PDAP1: variants seen among roughly 807,000 people sequenced by gnomAD.
The protein encoded by PDAP1 is 28 kDa heat- and acid-stable phosphoprotein.
Under a neutral mutation model 28.0 loss-of-function variants are expected in PDAP1, and 13 were observed. That is an observed-to-expected ratio of 0.46 (90% CI 0.30 to 0.74). The LOEUF (loss-of-function observed/expected upper bound fraction) is 0.74, where lower values mean the gene tolerates loss of function less well. PDAP1 is among the 30% of genes least tolerant of loss of function. PDAP1 has a pLI of 0.07. For synonymous variants in PDAP1, 77 were observed against 85.1 expected, an observed-to-expected ratio of 0.91 and a Z score of 0.52; for missense variants, 150 against 230.0, an observed-to-expected ratio of 0.65 and a Z score of 2.25.
rs1491379993 is a variant in PDAP1, at chr7:99,394,780, A to AG, written c.*1901_*1902insC. ...TGGAGGTAATAAAATGCAACTGTGT[A>AG]AAAAAAAAAAAAAAAAAAAAAGTAA... On this transcript the variant is annotated 3_prime_UTR_variant, in exon 6 of 6. Coordinates refer to ENST00000350498, the MANE Select transcript of PDAP1 (RefSeq NM_014891.7). The AG allele has an allele frequency of 5.8e-6, 1 of 172,560 alleles. No individual in the cohort carries two copies. Among genetic ancestry groups the AG allele is most frequent in the African/African-American group, 1.1e-4 (1 of 9,100 alleles). 10.7% of individuals were successfully genotyped at this position (172,560 alleles called of 1,614,324 possible).
At position 99,403,919 on chromosome 7, in the gene PDAP1, G is replaced by A. The variant is rs192179867; in HGVS notation, c.106-414C>T. ...CCAAATCATGCTGGCATTCCCAGGC[G>A]AGTCCTCTCCGCACTCCACTCCCAC... On this transcript the variant is annotated intron_variant, in intron 2 of 5. Transcript: ENST00000350498. Among the ~76,000 whole-genome samples the A allele has an allele frequency of 1.2e-4, 18 of 152,122 alleles. No homozygotes were observed. The East Asian group carries it at 2.1e-3, about 18-fold the overall frequency.
In PDAP1 at chr7:99,395,536, T is replaced by C. The variant is rs1794738209; in HGVS notation, c.*1146A>G. On this transcript the variant is annotated 3_prime_UTR_variant, in exon 6 of 6. Coordinates refer to ENST00000350498, the MANE Select transcript of PDAP1 (RefSeq NM_014891.7). ...GTGTGCTGTAAACTGAGGTTCTGTC[T>C]TGGAGTTTATGTCATGTCACCAGGT... 1 of 152,266 alleles carries C rather than the reference T, an allele frequency of 6.6e-6. No individual in the cohort carries two copies. The highest frequency in any genetic ancestry group is 6.5e-5 in the Admixed American group (1 of 15,288). 9.4% of individuals were successfully genotyped at this position (152,266 alleles called of 1,614,324 possible).
At chr7:99,406,540 G>C in intron 1 of PDAP1, 1 of 982,680 alleles carries the variant, frequency 1.0e-6, no homozygotes, top group Non-Finnish European at 1.2e-6. Flanking sequence ...GTGACTAGCA[G>C]TTAAAGTGTC....
At chr7:99,399,979 G>A (rs1192127832) in intron 4 of PDAP1, among the ~76,000 whole-genome samples, 1 of 152,232 alleles carries the variant, frequency 6.6e-6, no homozygotes, top group East Asian at 1.9e-4. Flanking sequence ...TGCAGGTCAG[G>A]AATGGTCAGA....
intron 3 of PDAP1, among the ~76,000 whole-genome samples, chr7:99,402,573 C>CAAAA (rs58448407): frequency 5.3e-5 from 3 of 56,644 alleles, no homozygotes; most frequent in Non-Finnish European, 7.7e-5. Flanking sequence ...GACCCTGTCT[C>CAAAA]AAAAAAAAAA....
Position 99,394,867 on chromosome 7 carries a change from A to G in PDAP1, c.*1815T>C. 8.3e-7 allele frequency: 1 copy of G among 1,201,828 alleles called. No homozygotes were observed. The highest frequency in any genetic ancestry group is 1.0e-6 in the Non-Finnish European group (1 of 962,092). The allele number at this position is 1,201,828 out of a possible 1,614,324, so 74.4% of individuals were successfully genotyped here. A position where few individuals can be genotyped will look rare whatever the true frequency, so the allele number is the denominator to read the frequency against. On this transcript the variant is annotated 3_prime_UTR_variant, in exon 6 of 6. Transcript: ENST00000350498. ...TTTGTTATTTCCTTGGGGTCTTGCT[A>G]AGTTTTCCAGGCTGCACTAGAACTC...
chr7:99,406,014 G>C lies in PDAP1; in HGVS notation c.14-1061C>G, dbSNP rs559231528. 2.0e-5 allele frequency among the ~76,000 whole-genome samples: 3 copies of C among 152,340 alleles called. No homozygotes were observed. The South Asian group carries it at 6.2e-4, about 32-fold the overall frequency. On this transcript the variant is annotated intron_variant, in intron 1 of 5. Coordinates refer to ENST00000350498, the MANE Select transcript of PDAP1 (RefSeq NM_014891.7). ...TGCCTGTAATCCCAGCACTTTGGGA[G>C]GCCAAGGCGGGCAGATCACTTGAGG...
intron 5 of PDAP1, 35 bp from the exon 6 acceptor site, chr7:99,396,775 A>G: frequency 6.4e-7 from 1 of 1,555,246 alleles, no homozygotes; most frequent in Non-Finnish European, 8.9e-7. Context: ...GTTAAAACAA[A>G]GCAACCCCCC....
chr7:99,407,581 T>A (rs1014356172), intron 1 of PDAP1, among the ~76,000 whole-genome samples: 2 of 152,214 alleles, frequency 1.3e-5, no homozygotes, highest in African/African-American at 4.8e-5. Context: ...AACACAAATA[T>A]ATTTGTTCTG....
intron 1 of PDAP1, chr7:99,406,696 C>CAGGTGGGAA: frequency 1.4e-6 from 1 of 711,024 alleles, no homozygotes; most frequent in Non-Finnish European, 1.7e-6. Context: ...ACACAGGAAG[C>CAGGTGGGAA]TGAGGCCCAC....
chr7:99,406,612 C>A, intron 1 of PDAP1: 4 of 985,350 alleles, frequency 4.1e-6, no homozygotes, highest in Non-Finnish European at 4.8e-6. Context: ...AAGCCATCAG[C>A]CAGTTTTAAA....
chr7:99,404,179 C>A (rs1210448347), intron 2 of PDAP1, among the ~76,000 whole-genome samples: 1 of 152,198 alleles, frequency 6.6e-6, no homozygotes, highest in Non-Finnish European at 1.5e-5. Flanking sequence ...CTGGATGTGG[C>A]CTTTCCCTTC....
Position 99,408,538 on chromosome 7 carries a change from C to G in PDAP1, c.11G>C (p.Gly4Ala). ...GGCCACCGGCGCCCGCCCCTCACCT[C>G]CTTTAGGCATTGCGGCTCCGGCGGC... is the stretch of plus-strand genomic sequence containing the variant. MPK[G>A]GRKGGHKGRA... Residue 4 changes from glycine to alanine, a missense_variant and splice_region_variant, in exon 1 of 6, where the codon GGA (glycine) becomes GCA (alanine). Coordinates refer to ENST00000350498, the MANE Select transcript of PDAP1 (RefSeq NM_014891.7). 7.7e-7 allele frequency: 1 copy of G among 1,293,524 alleles called. No individual in the cohort carries two copies. Among genetic ancestry groups the G allele is most frequent in the South Asian group, 2.3e-5 (1 of 43,768 alleles). The allele number at this position is 1,293,524 out of a possible 1,614,324, so 80.1% of individuals were successfully genotyped here. A position where few individuals can be genotyped will look rare whatever the true frequency, so the allele number is the denominator to read the frequency against.
intron 3 of PDAP1, among the ~76,000 whole-genome samples, chr7:99,402,867 A>G (rs2150906332): frequency 6.9e-6 from 1 of 145,028 alleles, no homozygotes; most frequent in Middle Eastern, 3.5e-3. Context: ...TGACAAAGCG[A>G]CACTTCATCT....
In PDAP1 at chr7:99,399,340, G is replaced by A. The variant is rs116414250; in HGVS notation, c.335+963C>T. Among the ~76,000 whole-genome samples the A allele has an allele frequency of 8.2e-3, 1,250 of 152,258 alleles. 15 individuals carry two copies. The highest frequency in any genetic ancestry group is 0.027 in the African/African-American group (1,140 of 41,552). On this transcript the variant is annotated intron_variant, in intron 4 of 5. Coordinates refer to ENST00000350498, the MANE Select transcript of PDAP1 (RefSeq NM_014891.7). ...GCTGAGCCTCAGGAATGATGACTAA[G>A]GCAGCCCAAAGACTCTGCAGGGCCC...
At chr7:99,406,371 A>G (rs1794971331) in intron 1 of PDAP1, among the ~76,000 whole-genome samples, 1 of 152,220 alleles carries the variant, frequency 6.6e-6, no homozygotes. Flanking sequence ...ACACAATAAA[A>G]TACCTTGTGT....
intron 1 of PDAP1, chr7:99,406,577 C>A (rs1794975763): frequency 1.0e-6 from 1 of 985,250 alleles, no homozygotes; most frequent in African/African-American, 1.7e-5. Flanking sequence ...CCTCTTCAGC[C>A]AGAACACCAG....
chr7:99,408,559 G>T lies in PDAP1; in HGVS notation c.-11C>A. The T allele has an allele frequency of 7.8e-7, 1 of 1,274,432 alleles. No homozygotes were observed. The allele number at this position is 1,274,432 out of a possible 1,614,324, so 78.9% of individuals were successfully genotyped here. A position where few individuals can be genotyped will look rare whatever the true frequency, so the allele number is the denominator to read the frequency against. On this transcript the variant is annotated 5_prime_UTR_variant, in exon 1 of 6. Coordinates refer to ENST00000350498, the MANE Select transcript of PDAP1 (RefSeq NM_014891.7). The stretch of plus-strand genomic sequence containing the variant: ...ACCTCCTTTAGGCATTGCGGCTCCG[G>T]CGGCTGCGGCGGCGGCGGCGGCGCC...
At chr7:99,401,722 G>A (rs1206692046) in intron 3 of PDAP1, among the ~76,000 whole-genome samples, 7 of 146,040 alleles carry the variant, frequency 4.8e-5, no homozygotes, top group Non-Finnish European at 9.0e-5. Flanking sequence ...TTTTTGAGAC[G>A]GAGTCTCACT....
Sources: allele counts gnomAD v4.1 joint callset (sites outside exome capture counted in the v4.1 genomes callset), GRCh38; gene constraint gnomAD v4.1.1; transcripts MANE v1.5; gene names NCBI Gene and HGNC (gene_info 2026-07-23, HGNC 2026-07-21).